SLC25A21: variants seen among roughly 807,000 people sequenced by gnomAD.
SLC25A21 encodes mitochondrial 2-oxodicarboxylate carrier.
In SLC25A21, 47 loss-of-function variants were observed where a neutral mutation model predicts 43.8. That is an observed-to-expected ratio of 1.07 (90% CI 0.85 to 1.37). SLC25A21 has a LOEUF of 1.37. Among genes scored for constraint, SLC25A21 ranks in the 40% most tolerant of loss-of-function variants. The probability of loss-of-function intolerance (pLI) is 0.00; values close to 1 mark genes in which losing one functional copy is unlikely to be tolerated. For missense variants in SLC25A21, 352 were observed against 350.2 expected (o/e 1.00, Z -0.04); for synonymous variants, 131 against 121.3 (o/e 1.08, Z -0.52).
At chr14:37,011,278 G>T (rs1238484755) in intron 1 of SLC25A21, among the ~76,000 whole-genome samples, 1 of 152,136 alleles carries the variant, frequency 6.6e-6, no homozygotes, top group African/African-American at 2.4e-5. Context: ...CCAAAGGGCT[G>T]TGATTACAGG....
intron 1 of SLC25A21, among the ~76,000 whole-genome samples, chr14:37,096,688 T>G (rs1273544627): frequency 6.6e-6 from 1 of 152,210 alleles, no homozygotes; most frequent in African/African-American, 2.4e-5. Context: ...ACTGAATTTT[T>G]TTCAGCTCCA....
intron 1 of SLC25A21, among the ~76,000 whole-genome samples, chr14:36,995,850 G>A (rs372114435): frequency 1.3e-5 from 2 of 152,162 alleles, no homozygotes; most frequent in South Asian, 2.1e-4. Flanking sequence ...TTACTCCTTC[G>A]CTCCTACTGA....
intron 1 of SLC25A21, among the ~76,000 whole-genome samples, chr14:37,043,179 T>C (rs1961510972): frequency 6.6e-6 from 1 of 152,144 alleles, no homozygotes; most frequent in African/African-American, 2.4e-5. Flanking sequence ...TCTCCACCTT[T>C]CACCTAGTTC....
rs142562830 is a variant in SLC25A21 at position 36,896,564 on chromosome 14, G to A, written c.71-21560C>T. On this transcript the variant is annotated intron_variant, in intron 1 of 9. Coordinates refer to ENST00000331299, the MANE Select transcript of SLC25A21 (RefSeq NM_030631.4). ...CATTTAAGGTTAATATTATGTGTGA[G>A]TTTCATCCATGTCATTATGATGGTA... Among the ~76,000 whole-genome samples the A allele has an allele frequency of 3.2e-3, 491 of 152,124 alleles. 4 individuals are homozygous for A. The highest frequency in any genetic ancestry group is 0.011 in the African/African-American group (461 of 41,504).
chr14:36,949,350 ATTGT>A (rs959630379), intron 1 of SLC25A21, among the ~76,000 whole-genome samples: 9 of 152,326 alleles, frequency 5.9e-5, no homozygotes, highest in African/African-American at 1.7e-4. Context: ...TACTGTGAAA[ATTGT>A]TTGTATGTAT....
intron 7 of SLC25A21, among the ~76,000 whole-genome samples, chr14:36,693,259 C>T (rs968014629): frequency 3.3e-5 from 5 of 152,200 alleles, no homozygotes; most frequent in African/African-American, 7.2e-5. Context: ...TGGATGAGAG[C>T]GTGGTTAGAG....
At chr14:36,858,833 C>T (rs1342527456) in intron 2 of SLC25A21, among the ~76,000 whole-genome samples, 16 of 152,182 alleles carry the variant, frequency 1.1e-4, no homozygotes, top group Admixed American at 9.2e-4. Flanking sequence ...TAGCTCTTTT[C>T]CAATTCTTCA....
At chr14:37,019,620 G>A (rs1960940311) in intron 1 of SLC25A21, among the ~76,000 whole-genome samples, 1 of 150,410 alleles carries the variant, frequency 6.6e-6, no homozygotes, top group African/African-American at 2.5e-5. Flanking sequence ...GGGGAAATGA[G>A]GAAGGTCATT....
chr14:36,899,597 A>C (rs1489510058), intron 1 of SLC25A21, among the ~76,000 whole-genome samples: 1 of 152,190 alleles, frequency 6.6e-6, no homozygotes, highest in Non-Finnish European at 1.5e-5. Flanking sequence ...CTTGCCTTGC[A>C]ATGGGTTTGG....
intron 1 of SLC25A21, among the ~76,000 whole-genome samples, chr14:37,140,875 T>A (rs976743764): frequency 6.6e-6 from 1 of 152,080 alleles, no homozygotes; most frequent in African/African-American, 2.4e-5. Flanking sequence ...CTGGGCACGG[T>A]AAGGCTCACG....
intron 1 of SLC25A21, among the ~76,000 whole-genome samples, chr14:36,995,638 T>G (rs1465897566): frequency 6.6e-6 from 1 of 152,176 alleles, no homozygotes; most frequent in Non-Finnish European, 1.5e-5. Context: ...AAGTTAAAAA[T>G]GTAAGTCACA....
At chr14:36,754,319 T>C (rs1885840083) in intron 3 of SLC25A21, among the ~76,000 whole-genome samples, 1 of 152,148 alleles carries the variant, frequency 6.6e-6, no homozygotes, top group African/African-American at 2.4e-5. Flanking sequence ...GGGATATCAG[T>C]TCTTCTAGTT....
chr14:37,050,599 T>A (rs1162921037), intron 1 of SLC25A21, among the ~76,000 whole-genome samples: 5 of 152,234 alleles, frequency 3.3e-5, no homozygotes, highest in Non-Finnish European at 7.3e-5. Flanking sequence ...GTGAATGTCA[T>A]GAGCCTTGGA....
At chr14:36,826,755 G>A (rs527613207) in intron 2 of SLC25A21, among the ~76,000 whole-genome samples, 29 of 152,274 alleles carry the variant, frequency 1.9e-4, no homozygotes, top group East Asian at 7.7e-4. Flanking sequence ...GGCTAAGTTC[G>A]AACATTCCCT....
At chr14:36,817,964 C>A (rs1030631404) in intron 2 of SLC25A21, among the ~76,000 whole-genome samples, 1 of 152,140 alleles carries the variant, frequency 6.6e-6, no homozygotes, top group African/African-American at 2.4e-5. Context: ...ATCTATTGTT[C>A]ATTCAGTTAA....
At chr14:36,759,275 G>C (rs926030108) in intron 3 of SLC25A21, among the ~76,000 whole-genome samples, 3 of 152,154 alleles carry the variant, frequency 2.0e-5, no homozygotes, top group Non-Finnish European at 4.4e-5. Context: ...TGCTCTCAGC[G>C]TCTTTTGTGT....
intron 3 of SLC25A21, among the ~76,000 whole-genome samples, chr14:36,810,922 AGTGGGG>A (rs1888233195): frequency 6.6e-6 from 1 of 152,028 alleles, no homozygotes; most frequent in Non-Finnish European, 1.5e-5. Context: ...TAGAGAAAAG[AGTGGGG>A]GAAATAATTC....
intron 3 of SLC25A21, among the ~76,000 whole-genome samples, chr14:36,811,133 G>T (rs1364781062): frequency 6.6e-6 from 1 of 152,110 alleles, no homozygotes; most frequent in African/African-American, 2.4e-5. Flanking sequence ...TGAGTGTGAA[G>T]AAGGATCATG....
chr14:36,802,650 G>T (rs899913889), intron 3 of SLC25A21, among the ~76,000 whole-genome samples: 4 of 152,124 alleles, frequency 2.6e-5, no homozygotes, highest in Non-Finnish European at 5.9e-5. Flanking sequence ...TGCTATAAGA[G>T]AACAGAAGGA....
Sources: gnomAD v4.1 joint callset for allele counts (sites outside exome capture counted in the v4.1 genomes callset) on GRCh38, gnomAD v4.1.1 for gene constraint, MANE v1.5 for transcripts, NCBI Gene and HGNC (gene_info 2026-07-23, HGNC 2026-07-21) for gene names.